Variants in ZNF69 observed in about 807,000 individuals in gnomAD.
The protein encoded by ZNF69 is zinc finger protein 69, also known as ZNF3.
A neutral mutation model predicts 50.9 loss-of-function variants in ZNF69; 47 were observed. The observed-to-expected ratio is 0.92, with a 90% CI of 0.73 to 1.18. The LOEUF (loss-of-function observed/expected upper bound fraction) is 1.18. ZNF69 is among the 50% of genes most tolerant of loss of function. The pLI, the probability that ZNF69 is intolerant of heterozygous loss-of-function variation, is 0.00. For missense variants in ZNF69, 717 were observed against 675.1 expected, an observed-to-expected ratio of 1.06 and a Z score of -0.69; for synonymous variants, 216 against 223.1, an observed-to-expected ratio of 0.97 and a Z score of 0.29.
chr19:11,939,460 C>T, the ZNF69 span, among the ~76,000 whole-genome samples: 1 of 152,186 alleles, frequency 6.6e-6, no homozygotes, highest in South Asian at 2.1e-4. Flanking sequence ...CCAGTTCTCC[C>T]AGCACCATTT....
chr19:11,949,500 T>A, the ZNF69 span: 7 of 1,611,952 alleles, frequency 4.3e-6, no homozygotes, highest in African/African-American at 6.7e-5. Flanking sequence ...TTCAAATTCA[T>A]GAAAGGACAG....
chr19:11,898,014 G>T (rs1972164651), intron 1 of ZNF69, among the ~76,000 whole-genome samples: 1 of 152,036 alleles, frequency 6.6e-6, no homozygotes, highest in African/African-American at 2.4e-5. Flanking sequence ...GTGCATTCTA[G>T]AATCTTACTA....
chr19:11,975,542 C>T, the ZNF69 span, among the ~76,000 whole-genome samples: 11 of 152,092 alleles, frequency 7.2e-5, no homozygotes, highest in East Asian at 1.9e-4. Context: ...AGACTACAGG[C>T]GCCCGCCACC....
chr19:11,940,773 A>C, the ZNF69 span, among the ~76,000 whole-genome samples: 1 of 152,084 alleles, frequency 6.6e-6, no homozygotes, highest in Non-Finnish European at 1.5e-5. Context: ...GTCTGTTTTG[A>C]CAGGGCGCTG....
the ZNF69 span, among the ~76,000 whole-genome samples, chr19:11,925,458 C>T: frequency 2.6e-5 from 4 of 152,198 alleles, no homozygotes; most frequent in African/African-American, 4.8e-5. Flanking sequence ...AGCCAGGACC[C>T]GGGCGTCCTG....
chr19:11,949,861 A>G, the ZNF69 span: 7 of 1,614,006 alleles, frequency 4.3e-6, no homozygotes, highest in East Asian at 1.6e-4. Context: ...GCATGGTAGG[A>G]CTCACACTGG....
chr19:11,973,142 C>T, the ZNF69 span, among the ~76,000 whole-genome samples: 2 of 152,144 alleles, frequency 1.3e-5, no homozygotes, highest in Non-Finnish European at 2.9e-5. Flanking sequence ...TATACAGAAA[C>T]GTTTCACTGC....
At chr19:11,974,090 TTTC>T in the ZNF69 span, among the ~76,000 whole-genome samples, 8 of 85,720 alleles carry the variant, frequency 9.3e-5, no homozygotes, top group South Asian at 1.6e-3. Context: ...TCTTTCTTTC[TTTC>T]TTTCTTTCTT....
At chr19:11,950,075 G>T in the ZNF69 span, 1 of 1,613,952 alleles carries the variant, frequency 6.2e-7, no homozygotes, top group Non-Finnish European at 8.5e-7. Flanking sequence ...TGTGGGAATG[G>T]ATTCACATCT....
At chr19:11,903,832 T>C (rs1972301893) in intron 2 of ZNF69, 73 bp from the exon 3 acceptor site, 7 of 1,605,824 alleles carry the variant, frequency 4.4e-6, no homozygotes, top group Non-Finnish European at 6.0e-6. Flanking sequence ...CAGTAAATCA[T>C]GGGCATAGAA....
chr19:11,958,536 C>T, the ZNF69 span, among the ~76,000 whole-genome samples: 3 of 152,184 alleles, frequency 2.0e-5, no homozygotes, highest in South Asian at 2.1e-4. Context: ...TCACAGTGAG[C>T]GAGTGGTCTT....
Position 11,905,515 on chromosome 19 carries a change from A to G in ZNF69, c.1118A>G (p.Asn373Ser), listed in dbSNP as rs1972350620. Residue 373 changes from asparagine (N) to serine (S), a missense_variant, in exon 4 of 4, where the codon AAT (asparagine) becomes AGT (serine). Physicochemically the swap from Asn to Ser is conservative, Grantham distance 46. Coordinates refer to ENST00000429654, the MANE Select transcript of ZNF69 (RefSeq NM_001364730.1). Reference protein sequence around the residue: ...KICGKGFCSANSFQRHEKTHS... With the variant: ...KICGKGFCSASSFQRHEKTHS... ...TGTGGGAAAGGCTTTTGTTCTGCCA[A>G]TTCATTTCAAAGACATGAAAAAACT... is the stretch of plus-strand genomic sequence containing the variant. The G allele has an allele frequency of 3.7e-6, 6 of 1,613,912 alleles. No homozygotes were observed. Among genetic ancestry groups the G allele is most frequent in the African/African-American group, 1.3e-5 (1 of 74,860 alleles).
the ZNF69 span, among the ~76,000 whole-genome samples, chr19:11,930,258 G>T: frequency 9.4e-5 from 14 of 148,686 alleles, 3 homozygotes; most frequent in African/African-American, 3.7e-4. Context: ...AAACAGAAAT[G>T]ATTCCTGTCC....
chr19:11,906,720 G>A (rs1190226581), downstream of ZNF69, among the ~76,000 whole-genome samples: 2 of 152,196 alleles, frequency 1.3e-5, no homozygotes, highest in African/African-American at 4.8e-5. Context: ...CAAAGATGGG[G>A]AGAAACCAGA....
At chr19:11,964,878 G>T in the ZNF69 span, among the ~76,000 whole-genome samples, 1 of 152,240 alleles carries the variant, frequency 6.6e-6, no homozygotes, top group Non-Finnish European at 1.5e-5. Context: ...TAGAGAAGCT[G>T]TGGCTAGAAT....
chr19:11,973,208 C>T, the ZNF69 span, among the ~76,000 whole-genome samples: 1 of 152,098 alleles, frequency 6.6e-6, no homozygotes, highest in Non-Finnish European at 1.5e-5. Context: ...TCTTTTGCCA[C>T]CCCTATTTAT....
the ZNF69 span, among the ~76,000 whole-genome samples, chr19:11,968,467 C>T: frequency 0.02 from 2,979 of 152,202 alleles, 73 homozygotes; most frequent in African/African-American, 0.059. Flanking sequence ...GTCTCTTGCT[C>T]CTGGCCTCAA....
chr19:11,939,872 T>G, the ZNF69 span: 1 of 152,214 alleles, frequency 6.6e-6, no homozygotes, highest in Non-Finnish European at 1.5e-5. Flanking sequence ...ATAAGTTCTG[T>G]AAGATGAATT....
the ZNF69 span, among the ~76,000 whole-genome samples, chr19:11,961,211 C>T: frequency 6.6e-6 from 1 of 152,138 alleles, no homozygotes; most frequent in South Asian, 2.1e-4. Context: ...TAAAAGAGGG[C>T]CCTCATAATG....
Sources: gnomAD v4.1 joint callset for allele counts (sites outside exome capture counted in the v4.1 genomes callset) on GRCh38, gnomAD v4.1.1 for gene constraint, MANE v1.5 for transcripts, NCBI Gene and HGNC (gene_info 2026-07-23, HGNC 2026-07-21) for gene names.